The following RALYL variants were observed in gnomAD, a reference collection of about 807,000 sequenced individuals.
RALYL encodes the protein RALY RNA binding protein like.
A neutral mutation model predicts 35.1 loss-of-function variants in RALYL; 29 were observed. The ratio of observed to expected loss-of-function variants is 0.83; its 90% CI spans 0.61 to 1.13. The LOEUF (loss-of-function observed/expected upper bound fraction) is 1.13, where lower values mean the gene tolerates loss of function less well. RALYL is among the 50% of genes most tolerant of loss of function. The pLI is 0.00. For synonymous variants in RALYL, 120 were observed against 127.6 expected (o/e 0.94, Z 0.40); for missense variants, 359 against 360.4 (o/e 1.00, Z 0.03).
At chr8:84,753,589 T>A (rs1810602566) in intron 2 of RALYL, among the ~76,000 whole-genome samples, 1 of 152,140 alleles carries the variant, frequency 6.6e-6, no homozygotes, top group Non-Finnish European at 1.5e-5. Flanking sequence ...GGATGGCAGA[T>A]TTCCCCCTTT....
chr8:84,202,523 C>G (rs1286319374), intron 1 of RALYL, among the ~76,000 whole-genome samples: 1 of 151,976 alleles, frequency 6.6e-6, no homozygotes, highest in Non-Finnish European at 1.5e-5. Flanking sequence ...AGGTGCCCAC[C>G]ACCACGCCCA....
chr8:84,496,449 C>T (rs2056027065), intron 1 of RALYL, among the ~76,000 whole-genome samples: 1 of 152,022 alleles, frequency 6.6e-6, no homozygotes, highest in Admixed American at 6.6e-5. Flanking sequence ...ACAGGATATT[C>T]CCCCTTGTAA....
intron 8 of RALYL, among the ~76,000 whole-genome samples, chr8:84,910,717 G>A (rs1343582042): frequency 6.6e-6 from 1 of 151,874 alleles, no homozygotes. Context: ...TTACCTGTGT[G>A]CCAGAGAATC....
At chr8:84,247,963 T>C (rs1829441625) in intron 1 of RALYL, among the ~76,000 whole-genome samples, 2 of 152,186 alleles carry the variant, frequency 1.3e-5, no homozygotes, top group Non-Finnish European at 2.9e-5. Context: ...ATAAAAGCTC[T>C]CTGTCAAGTG....
At chr8:84,493,184 C>T (rs1681353) in intron 1 of RALYL, among the ~76,000 whole-genome samples, 138,523 of 152,120 alleles carry the variant, frequency 0.91, 63,141 homozygotes, top group East Asian at 1. Flanking sequence ...TTTCTGTACC[C>T]GTGTTAGTTT....
intron 1 of RALYL, among the ~76,000 whole-genome samples, chr8:84,432,494 G>T (rs780924299): frequency 1.3e-5 from 2 of 152,096 alleles, no homozygotes; most frequent in African/African-American, 2.4e-5. Context: ...ACCTAAAAAT[G>T]TGTTAAGAGG....
At chr8:84,279,713 T>C (rs917067047) in intron 1 of RALYL, among the ~76,000 whole-genome samples, 2 of 152,166 alleles carry the variant, frequency 1.3e-5, no homozygotes, top group African/African-American at 4.8e-5. Context: ...TTTTGGTTTA[T>C]AGCTTTTTCC....
At chr8:84,418,566 T>G (rs1296624908) in intron 1 of RALYL, among the ~76,000 whole-genome samples, 1 of 152,090 alleles carries the variant, frequency 6.6e-6, no homozygotes, top group African/African-American at 2.4e-5. Context: ...ACACTCTAGG[T>G]ACAGTTTTAT....
At chr8:84,238,230 A>T (rs1388525313) in intron 1 of RALYL, among the ~76,000 whole-genome samples, 1 of 152,126 alleles carries the variant, frequency 6.6e-6, no homozygotes, top group Non-Finnish European at 1.5e-5. Flanking sequence ...TTAATGAATT[A>T]AAAATTGGGA....
intron 1 of RALYL, among the ~76,000 whole-genome samples, chr8:84,454,143 G>A (rs762986046): frequency 1.3e-4 from 19 of 151,948 alleles, no homozygotes; most frequent in Non-Finnish European, 1.9e-4. Flanking sequence ...TGTGTGCCAC[G>A]TGGGCATCAG....
intron 2 of RALYL, among the ~76,000 whole-genome samples, chr8:84,757,464 T>C (rs1320958845): frequency 1.3e-5 from 2 of 152,188 alleles, no homozygotes; most frequent in Non-Finnish European, 2.9e-5. Flanking sequence ...TCTCTTATAT[T>C]CATACATGGA....
At chr8:84,798,361 T>G (rs1486400750) in intron 3 of RALYL, among the ~76,000 whole-genome samples, 1 of 152,188 alleles carries the variant, frequency 6.6e-6, no homozygotes, top group East Asian at 1.9e-4. Flanking sequence ...TGATGGTTAA[T>G]ATTTATTAAC....
At chr8:84,831,915 T>C (rs1305161082) in intron 4 of RALYL, among the ~76,000 whole-genome samples, 1 of 152,162 alleles carries the variant, frequency 6.6e-6, no homozygotes, top group Non-Finnish European at 1.5e-5. Flanking sequence ...CAGTGCAGTA[T>C]GAGCTTGTAA....
intron 1 of RALYL, among the ~76,000 whole-genome samples, chr8:84,408,629 G>A (rs2043795053): frequency 6.6e-6 from 1 of 152,056 alleles, no homozygotes; most frequent in African/African-American, 2.4e-5. Flanking sequence ...GGTGGGTTGG[G>A]GCTCTTCCAT....
chr8:84,277,696 C>T (rs965888201), intron 1 of RALYL, among the ~76,000 whole-genome samples: 4 of 152,204 alleles, frequency 2.6e-5, no homozygotes, highest in Non-Finnish European at 4.4e-5. Flanking sequence ...GAGAAATTGG[C>T]CACAACACAG....
chr8:84,328,455 T>G (rs1846225207), intron 1 of RALYL, among the ~76,000 whole-genome samples: 1 of 152,198 alleles, frequency 6.6e-6, no homozygotes. Flanking sequence ...TTTGTAAGCT[T>G]TAATTTCACA....
At chr8:84,646,271 G>A (rs1325439760) in intron 2 of RALYL, among the ~76,000 whole-genome samples, 1 of 149,866 alleles carries the variant, frequency 6.7e-6, no homozygotes, top group South Asian at 2.1e-4. Context: ...TCATATTTTT[G>A]GTCATTTTGT....
At chr8:84,522,100 T>G (rs901876243) in intron 1 of RALYL, among the ~76,000 whole-genome samples, 13 of 152,158 alleles carry the variant, frequency 8.5e-5, no homozygotes, top group Non-Finnish European at 1.8e-4. Flanking sequence ...TAGATTCCAT[T>G]TAGTGGTATT....
chr8:84,515,888 A>G (rs907818946), intron 1 of RALYL, among the ~76,000 whole-genome samples: 1 of 152,100 alleles, frequency 6.6e-6, no homozygotes, highest in Non-Finnish European at 1.5e-5. Flanking sequence ...TTGACTCTCA[A>G]CAAAATTCAT....
Sources: gnomAD v4.1 joint callset for allele counts (sites outside exome capture counted in the v4.1 genomes callset) on GRCh38, gnomAD v4.1.1 for gene constraint, MANE v1.5 for transcripts, NCBI Gene and HGNC (gene_info 2026-07-23, HGNC 2026-07-21) for gene names.